HERC1: variants seen among roughly 807,000 people sequenced by gnomAD.
The protein encoded by HERC1 is HECT and RLD domain containing E3 ubiquitin protein ligase family member 1.
A neutral mutation model predicts 554.3 loss-of-function variants in HERC1; 160 were observed. That is an observed-to-expected ratio of 0.29 (90% CI 0.25 to 0.33). The LOEUF (loss-of-function observed/expected upper bound fraction) is 0.33. Among genes scored for constraint, HERC1 ranks in the 10% least tolerant of loss-of-function variants. The pLI is 1.00. For synonymous variants in HERC1, 2,175 were observed against 2,131.7 expected (o/e 1.02, Z -0.56); for missense variants, 4,919 against 5,918.5 (o/e 0.83, Z 5.54).
At position 63,675,105 on chromosome 15, in the gene HERC1, A is replaced by T. The variant is rs2071127781; in HGVS notation, c.7083T>A (p.Phe2361Leu). 6.3e-7 allele frequency: 1 copy of T among 1,584,124 alleles called. No individual in the cohort carries two copies. Reference sequence around the variant, plus strand: ...ACAATGGAGTATCACTAGGCGACCAAAAAGTTGGGAAGCTTTAATAAAGAT... The same window carrying T: ...ACAATGGAGTATCACTAGGCGACCATAAAGTTGGGAAGCTTTAATAAAGAT... ...EAEITISFPTFWSPSDTPLYN... is the reference protein window; with the variant it reads ...EAEITISFPTLWSPSDTPLYN... The change falls in exon 38 of 78, where the codon TTT becomes TTA. Residue 2361 changes from phenylalanine to leucine, a missense_variant. Phe to Leu is a conservative substitution (Grantham distance 22). This residue lies in a region of HERC1 where 1,963 missense variants were observed against 2,228.6 expected (regional missense o/e 0.88). Transcript: ENST00000443617.
intron 69 of HERC1, among the ~76,000 whole-genome samples, chr15:63,629,432 T>C (rs1412178089): frequency 6.6e-6 from 1 of 152,202 alleles, no homozygotes; most frequent in Non-Finnish European, 1.5e-5. Flanking sequence ...AATAACAGAA[T>C]GATCTATGGA....
At position 63,774,615 on chromosome 15, in the gene HERC1, TACC is replaced by T. The variant is rs2076064628; in HGVS notation, c.930+76_930+78del. ...CCAAAAGTCTCAAATCATTCACTAT[TACC>T]ACCAATTCATTAAAAACTGCATTGA... is the stretch of plus-strand genomic sequence containing the variant. On this transcript the variant is annotated intron_variant, in intron 2 of 77. Transcript: ENST00000443617. 9.0e-6 allele frequency: 9 copies of T among 1,005,156 alleles called. No homozygotes were observed. In the Admixed American group the frequency reaches 1.1e-4, roughly 13 times the overall value. The allele number at this position is 1,005,156 out of a possible 1,614,324, so 62.3% of individuals were successfully genotyped here.
Position 63,694,640 on chromosome 15 carries a change from A to G in HERC1, c.5243-91T>C, listed in dbSNP as rs2072299186. 1.4e-6 allele frequency: 2 copies of G among 1,428,128 alleles called. No homozygotes were observed. The highest frequency in any genetic ancestry group is 1.9e-6 in the Non-Finnish European group (2 of 1,029,232). The allele number at this position is 1,428,128 out of a possible 1,614,324, so 88.5% of individuals were successfully genotyped here. Reference sequence around the variant, plus strand: ...ATTTTCTAAAATATTAATAACATGAAACACTAAATTATTTATTCTTTACCT... The same window carrying G: ...ATTTTCTAAAATATTAATAACATGAGACACTAAATTATTTATTCTTTACCT... On this transcript the variant is annotated intron_variant, in intron 28 of 77. Coordinates refer to ENST00000443617, the MANE Select transcript of HERC1 (RefSeq NM_003922.4). The surrounding 1 kb of genome is among the most constrained non-coding windows in gnomAD (Gnocchi z 4.3).
intron 10 of HERC1, among the ~76,000 whole-genome samples, 161 bp from the exon 11 acceptor site, chr15:63,748,019 A>C (rs1341964114): frequency 6.6e-6 from 1 of 152,172 alleles, no homozygotes; most frequent in African/African-American, 2.4e-5. Flanking sequence ...TGAGGTGAGG[A>C]GTTCAAGACC....
At chr15:63,662,111 T>C in intron 44 of HERC1, 90 bp from the exon 45 acceptor site, 1 of 1,257,486 alleles carries the variant, frequency 8.0e-7, no homozygotes, top group Non-Finnish European at 1.1e-6. Flanking sequence ...AATTACTTTA[T>C]TACATATGCT....
At chr15:63,721,527 A>G (rs1042103793) in intron 19 of HERC1, among the ~76,000 whole-genome samples, 5 of 152,228 alleles carry the variant, frequency 3.3e-5, no homozygotes, top group African/African-American at 9.6e-5. Context: ...CTCTGTCTCA[A>G]AAAACAAAAA....
chr15:63,822,351 C>T (rs1215222203), intron 1 of HERC1, among the ~76,000 whole-genome samples: 1 of 152,060 alleles, frequency 6.6e-6, no homozygotes, highest in Non-Finnish European at 1.5e-5. Context: ...TTTGGGAAGC[C>T]GAGGCGGGCA....
chr15:63,833,033 T>C (rs1336674046), intron 1 of HERC1, among the ~76,000 whole-genome samples: 2 of 152,160 alleles, frequency 1.3e-5, no homozygotes, highest in Non-Finnish European at 2.9e-5. Flanking sequence ...AACATGTCTT[T>C]TACATAACCT....
intron 51 of HERC1, among the ~76,000 whole-genome samples, chr15:63,653,325 C>A (rs751947309): frequency 2.0e-5 from 3 of 152,040 alleles, no homozygotes; most frequent in Non-Finnish European, 4.4e-5. Context: ...CATCTGTAAT[C>A]CCAGCTATGC....
chr15:63,736,906 C>T (rs1480300836), intron 12 of HERC1, among the ~76,000 whole-genome samples: 3 of 151,992 alleles, frequency 2.0e-5, no homozygotes, highest in Non-Finnish European at 4.4e-5. Context: ...CACGCCCGGC[C>T]ATAGCATCAC....
chr15:63,774,568 T>C, intron 2 of HERC1, 126 bp downstream of exon 2: 2 of 720,918 alleles, frequency 2.8e-6, no homozygotes, highest in Non-Finnish European at 2.3e-6. Context: ...GTATATGAAA[T>C]ATTTAATTAA....
Position 63,623,872 on chromosome 15 carries a change from A to G in HERC1, c.13464T>C (p.Pro4488=), listed in dbSNP as rs1249559433. The G allele has an allele frequency of 1.2e-6, 2 of 1,613,874 alleles. No individual in the cohort carries two copies. Among genetic ancestry groups the G allele is most frequent in the African/African-American group, 2.7e-5 (2 of 74,936 alleles). The part of the protein sequence containing the change: ...RISTRGRKCK[P]IFVQIARQVV... ...CTTGTCTCGCTATTTGGACAAAAAT[A>G]GGCTTACACTTCCGTCCTCTTTAAA... is the stretch of plus-strand genomic sequence containing the variant. Residue 4488 remains proline, a synonymous_variant, in exon 73 of 78, where the codon CCT becomes CCC. Transcript: ENST00000443617.
intron 63 of HERC1, among the ~76,000 whole-genome samples, chr15:63,638,208 A>T (rs774594527): frequency 6.6e-6 from 1 of 152,220 alleles, no homozygotes; most frequent in Non-Finnish European, 1.5e-5. Context: ...AACTTGAAAG[A>T]AAAATTTAGA....
chr15:63,814,131 T>G (rs959336851), intron 1 of HERC1, among the ~76,000 whole-genome samples: 6 of 152,136 alleles, frequency 3.9e-5, no homozygotes, highest in African/African-American at 1.4e-4. Flanking sequence ...TGTACAGAAT[T>G]TGGAAAAGAG....
rs373470800 is a variant in HERC1 at position 63,775,372 on chromosome 15, G to A, written c.252C>T (p.Ser84=). Residue 84 remains serine (S), a synonymous_variant, in exon 2 of 78, where the codon AGC becomes AGT. Transcript: ENST00000443617. The surrounding 1 kb of genome is among the most constrained non-coding windows in gnomAD (Gnocchi z 4.0). ...CCATCTTTGCCAATGCTAGCTGGCTGCTAAGAAGGGCATCCAAATAGTGGT... is the reference window on the plus strand; with the variant it reads ...CCATCTTTGCCAATGCTAGCTGGCTACTAAGAAGGGCATCCAAATAGTGGT... ...EQDHYLDALL[S]SQLALAKMVC... 4.7e-5 allele frequency: 76 copies of A among 1,613,946 alleles called. No homozygotes were observed. The African/African-American group carries it at 8.3e-4, about 18-fold the overall frequency.
At chr15:63,793,871 G>A (rs778972541) in intron 1 of HERC1, among the ~76,000 whole-genome samples, 42 of 152,142 alleles carry the variant, frequency 2.8e-4, no homozygotes, top group Non-Finnish European at 4.9e-4. Flanking sequence ...CTACTGGGCT[G>A]CATTCCCAGA....
intron 1 of HERC1, among the ~76,000 whole-genome samples, chr15:63,790,443 G>A (rs1413981304): frequency 6.6e-6 from 1 of 151,952 alleles, no homozygotes. Context: ...CGGGGGTAGT[G>A]GCGGGCGCCT....
chr15:63,752,144 C>G (rs551034593), intron 8 of HERC1, among the ~76,000 whole-genome samples: 49 of 152,268 alleles, frequency 3.2e-4, no homozygotes, highest in African/African-American at 1.2e-3. Flanking sequence ...TGATGAATAG[C>G]TTGAAGATTT....
At chr15:63,741,624 A>G (rs1403255511) in intron 12 of HERC1, among the ~76,000 whole-genome samples, 1 of 152,208 alleles carries the variant, frequency 6.6e-6, no homozygotes. Flanking sequence ...TGAGTTTTAC[A>G]GTTATAGCTC....
Sources: gnomAD v4.1 joint callset for allele counts (sites outside exome capture counted in the v4.1 genomes callset) on GRCh38, gnomAD v4.1.1 for gene constraint, gnomAD v4.1.1 regional missense constraint, Gnocchi (gnomAD v3.1) non-coding constraint, MANE v1.5 for transcripts, NCBI Gene and HGNC (gene_info 2026-07-23, HGNC 2026-07-21) for gene names.